DNAH2: variants seen among roughly 807,000 people sequenced by gnomAD.
DNAH2 encodes the protein axonemal beta dynein heavy chain 2.
DNAH2 carries 323 observed loss-of-function variants against 523.5 expected under a neutral mutation model. That is an observed-to-expected ratio of 0.62 (90% CI 0.56 to 0.68). The LOEUF (loss-of-function observed/expected upper bound fraction) is 0.68. DNAH2 is among the 30% of genes least tolerant of loss of function. The pLI, the probability that DNAH2 is intolerant of heterozygous loss-of-function variation, is 0.00. For synonymous variants in DNAH2, 2,093 were observed against 2,177.4 expected, an observed-to-expected ratio of 0.96 and a Z score of 1.08; for missense variants, 4,907 against 5,701.5, an observed-to-expected ratio of 0.86 and a Z score of 4.49.
intron 39 of DNAH2, 40 bp downstream of exon 39, chr17:7,781,207 G>T: frequency 1.2e-6 from 2 of 1,612,220 alleles, no homozygotes; most frequent in Non-Finnish European, 1.7e-6. Flanking sequence ...GGGTGCTGTG[G>T]CTCATGGTTG....
At position 7,798,850 on chromosome 17, in the gene DNAH2, G is replaced by A. The variant is rs1404606120; in HGVS notation, c.8559+132G>A. ...CACCCCCACTGCCCACCTCAGCCCT[G>A]TAAGGTGGAAGGTCCCCTCCAGGGA... On this transcript the variant is annotated intron_variant, in intron 55 of 85. Transcript: ENST00000572933. The surrounding 1 kb of genome is among the most constrained non-coding windows in gnomAD (Gnocchi z 5.5). 1 of 1,318,122 alleles carries A rather than the reference G, an allele frequency of 7.6e-7. No homozygotes were observed. Among genetic ancestry groups the A allele is most frequent in the Non-Finnish European group, 1.0e-6 (1 of 961,896 alleles). The allele number at this position is 1,318,122 out of a possible 1,614,324, so 81.7% of individuals were successfully genotyped here.
intron 56 of DNAH2, 53 bp downstream of exon 56, chr17:7,799,295 G>C: frequency 6.2e-7 from 1 of 1,600,080 alleles, no homozygotes; most frequent in South Asian, 1.1e-5. Context: ...CCCTCACCCT[G>C]CTGTGGCCTC....
intron 12 of DNAH2, among the ~76,000 whole-genome samples, chr17:7,756,570 G>C (rs186739938): frequency 1.2e-4 from 18 of 151,996 alleles, no homozygotes; most frequent in African/African-American, 4.1e-4. Context: ...ACTGTGCCTG[G>C]CCCCAGTGAA....
Position 7,779,438 on chromosome 17 carries a change from G to A in DNAH2, c.5722+15G>A, listed in dbSNP as rs376949611. The A allele has an allele frequency of 9.9e-6, 16 of 1,611,542 alleles. No homozygotes were observed. In the African/African-American group the frequency reaches 1.2e-4, roughly 12 times the overall value. Reference sequence around the variant, plus strand: ...CATGAATCCTGGTAGGTGGCAGGGAGTGGATGGGACTCCTGGGGTGGGAAG... The same window carrying A: ...CATGAATCCTGGTAGGTGGCAGGGAATGGATGGGACTCCTGGGGTGGGAAG... On this transcript the variant is annotated intron_variant, in intron 36 of 85. Transcript: ENST00000572933.
At chr17:7,753,046 C>T (rs1021189597) in intron 12 of DNAH2, among the ~76,000 whole-genome samples, 23 of 152,204 alleles carry the variant, frequency 1.5e-4, no homozygotes, top group Non-Finnish European at 7.3e-5. Context: ...TAAGGCCAAG[C>T]GTCAGTTGCC....
Position 7,821,454 on chromosome 17 carries a change from G to T in DNAH2, c.11142+85G>T, listed in dbSNP as rs2077853171. On this transcript the variant is annotated intron_variant, in intron 73 of 85. Transcript: ENST00000572933. This position sits in a 1 kb window ranked among gnomAD's most constrained non-coding sequence, Gnocchi z 5.0. The stretch of plus-strand genomic sequence containing the variant: ...GTGTGACAAGGACTCCAGACCCAGA[G>T]GGTCAGGCCCACAGCATCAGTGAGT... The T allele has an allele frequency of 1.3e-6, 2 of 1,490,070 alleles. No homozygotes were observed. Among genetic ancestry groups the T allele is most frequent in the African/African-American group, 1.4e-5 (1 of 71,830 alleles). 92.3% of individuals were successfully genotyped at this position (1,490,070 alleles called of 1,614,324 possible).
intron 63 of DNAH2, among the ~76,000 whole-genome samples, chr17:7,809,684 A>C (rs979661300): frequency 6.6e-6 from 1 of 152,152 alleles, no homozygotes; most frequent in Non-Finnish European, 1.5e-5. Flanking sequence ...TCATTCATCA[A>C]ACAAGCATTT....
chr17:7,758,941 C>A lies in DNAH2; in HGVS notation c.2265C>A (p.Ala755=), dbSNP rs370338496. 53 of 1,613,990 alleles carry A rather than the reference C, an allele frequency of 3.3e-5. No homozygotes were observed. The highest frequency in any genetic ancestry group is 4.2e-5 in the Non-Finnish European group (50 of 1,180,024). ...KASTLTIGWR[A]QEMSEKLLVR... ...CCACTCTGACCATTGGCTGGCGAGC[C>A]CAAGAGATGTCAGAGAAGCTGCTGG... Residue 755 remains alanine (A), a synonymous_variant, in exon 15 of 86, where the codon GCC becomes GCA. Transcript: ENST00000572933.
intron 61 of DNAH2, among the ~76,000 whole-genome samples, chr17:7,806,502 C>CA (rs1407974732): frequency 2.0e-5 from 3 of 151,186 alleles, no homozygotes; most frequent in Admixed American, 6.6e-5. Flanking sequence ...CTACAAAATA[C>CA]AAAAAAATTA....
chr17:7,781,939 C>A (rs1186535259), intron 39 of DNAH2, among the ~76,000 whole-genome samples: 1 of 152,106 alleles, frequency 6.6e-6, no homozygotes, highest in Admixed American at 6.6e-5. Flanking sequence ...AGTCTAGATA[C>A]CCTGAATGAT....
rs2076743187 is a variant in DNAH2 at position 7,786,653 on chromosome 17, C to T, written c.6432C>T (p.Gly2144=). Reference sequence around the variant, plus strand: ...TCAGCACCAATGAATGGACAGATGGCATCTTGTCCAGTGTCATGCGGACGG... The same window carrying T: ...TCAGCACCAATGAATGGACAGATGGTATCTTGTCCAGTGTCATGCGGACGG... ...YDLSTNEWTD[G]ILSSVMRTAC... is the part of the protein sequence containing the mutation. Residue 2144 remains glycine, a synonymous_variant, in exon 41 of 86, where the codon GGC becomes GGT. Transcript: ENST00000572933. This position sits in a 1 kb window ranked among gnomAD's most constrained non-coding sequence, Gnocchi z 7.5. The T allele has an allele frequency of 1.2e-6, 2 of 1,614,014 alleles. No homozygotes were observed. The highest frequency in any genetic ancestry group is 1.7e-4 in the Middle Eastern group (1 of 5,980).
intron 39 of DNAH2, among the ~76,000 whole-genome samples, chr17:7,785,693 G>A (rs1017593397): frequency 6.6e-6 from 1 of 152,086 alleles, no homozygotes; most frequent in African/African-American, 2.4e-5. Flanking sequence ...ACTATTAAAC[G>A]GGCTCTTCCA....
chr17:7,765,350 C>T (rs200422383), intron 20 of DNAH2, 41 bp from the exon 21 acceptor site: 1 of 1,579,738 alleles, frequency 6.3e-7, no homozygotes, highest in African/African-American at 1.3e-5. Context: ...AGAGGGCAGA[C>T]CTCCTGCTCC....
At chr17:7,827,591 A>G (rs886122330) in intron 77 of DNAH2, among the ~76,000 whole-genome samples, 2 of 151,808 alleles carry the variant, frequency 1.3e-5, no homozygotes, top group Admixed American at 1.3e-4. Flanking sequence ...GATTACAGGC[A>G]CCTGCCACCC....
At chr17:7,769,004 A>C in intron 24 of DNAH2, among the ~76,000 whole-genome samples, 1 of 152,140 alleles carries the variant, frequency 6.6e-6, no homozygotes, top group Non-Finnish European at 1.5e-5. Context: ...TGCTCAGCGA[A>C]CATGTGGCGC....
chr17:7,720,051 C>A, intron 2 of DNAH2, 151 bp downstream of exon 2: 1 of 919,100 alleles, frequency 1.1e-6, no homozygotes, highest in Non-Finnish European at 1.5e-6. Context: ...GGTTCAGCAG[C>A]CCTGCCACTG....
Position 7,831,852 on chromosome 17 carries a change from C to A in DNAH2, c.12726+77C>A. On this transcript the variant is annotated intron_variant, in intron 82 of 85. Transcript: ENST00000572933. This position sits in a 1 kb window ranked among gnomAD's most constrained non-coding sequence, Gnocchi z 4.2. ...TCCTGGGCCCCCCAATCTCCTGGTT[C>A]TAGGTGGGCATAAAGCAAACTGCAG... 1.5e-6 allele frequency: 2 copies of A among 1,369,200 alleles called. No homozygotes were observed. Among genetic ancestry groups the A allele is most frequent in the Non-Finnish European group, 2.0e-6 (2 of 990,110 alleles). The allele number at this position is 1,369,200 out of a possible 1,614,324, so 84.8% of individuals were successfully genotyped here.
intron 21 of DNAH2, 24 bp downstream of exon 21, chr17:7,765,589 G>C: frequency 6.3e-7 from 1 of 1,597,618 alleles, no homozygotes; most frequent in Non-Finnish European, 8.5e-7. Flanking sequence ...CACCTCTCCC[G>C]CTTCTTTAGC....
Position 7,831,680 on chromosome 17 carries a change from G to C in DNAH2, c.12631G>C (p.Glu4211Gln), listed in dbSNP as rs1372693027. ...QTILFSLTDLEKGIQGLIVMS... is the reference protein window; with the variant it reads ...QTILFSLTDLQKGIQGLIVMS... Reference sequence around the variant, plus strand: ...GCTCAGGTTCTCACTGACAGACCTAGAGAAAGGCATCCAGGGTCTCATCGT... The same window carrying C: ...GCTCAGGTTCTCACTGACAGACCTACAGAAAGGCATCCAGGGTCTCATCGT... The change falls in exon 82 of 86, where the codon GAG becomes CAG. Residue 4211 changes from glutamate to glutamine, a missense_variant. Transcript: ENST00000572933. The surrounding 1 kb of genome is among the most constrained non-coding windows in gnomAD (Gnocchi z 4.2). The C allele has an allele frequency of 6.2e-7, 1 of 1,614,206 alleles. No homozygotes were observed. Among genetic ancestry groups the C allele is most frequent in the Admixed American group, 1.7e-5 (1 of 60,032 alleles).
Sources: allele counts gnomAD v4.1 joint callset (sites outside exome capture counted in the v4.1 genomes callset), GRCh38; gene constraint gnomAD v4.1.1; non-coding constraint Gnocchi (gnomAD v3.1); transcripts MANE v1.5; gene names NCBI Gene and HGNC (gene_info 2026-07-23, HGNC 2026-07-21).